Variants in GNAZ observed in about 807,000 individuals in gnomAD.
GNAZ encodes G protein subunit alpha z.
GNAZ carries 3 observed loss-of-function variants against 25.4 expected under a neutral mutation model. The ratio of observed to expected loss-of-function variants is 0.12; its 90% confidence interval spans 0.05 to 0.30. GNAZ has a LOEUF of 0.30. Ranked by LOEUF, GNAZ falls within the 10% of genes least tolerant of loss-of-function variation. The pLI, the probability that GNAZ is intolerant of heterozygous loss-of-function variation, is 1.00. For synonymous variants in GNAZ, 211 were observed against 205.7 expected, an observed-to-expected ratio of 1.03 and a Z score of -0.22; for missense variants, 241 against 501.8, an observed-to-expected ratio of 0.48 and a Z score of 4.97.
At position 23,124,190 on chromosome 22, in the gene GNAZ, A is replaced by AT. The variant is rs67228409; in HGVS notation, c.*769dup. On this transcript the variant is annotated 3_prime_UTR_variant, in exon 3 of 3. Coordinates refer to ENST00000615612, the MANE Select transcript of GNAZ (RefSeq NM_002073.4). ...CAAAACCTGGTTTTCCTTCTCTGAC[A>AT]TTTTTTTTTTGTTTTGTTTTTTGGT... The AT allele has an allele frequency of 0.036, 5,042 of 141,288 alleles. 263 individuals are homozygous for AT. Among genetic ancestry groups the AT allele is most frequent in the African/African-American group, 0.22 (4,556 of 20,622 alleles). 8.8% of individuals were successfully genotyped at this position (141,288 alleles called of 1,614,324 possible). A position where few individuals can be genotyped will look rare whatever the true frequency, so the allele number is the denominator to read the frequency against.
chr22:23,096,536 G>A lies in GNAZ; in HGVS notation c.723+118G>A, dbSNP rs1386679074. The A allele has an allele frequency of 2.8e-6, 3 of 1,085,686 alleles. No homozygotes were observed. The African/African-American group carries it at 4.7e-5, about 17-fold the overall frequency. 67.3% of individuals were successfully genotyped at this position (1,085,686 alleles called of 1,614,324 possible). ...CAGAAAGGGAACCAGGCGCAGGCCT[G>A]GCCCTGCTGCACGATAACTGAGGCA... is the stretch of plus-strand genomic sequence containing the variant. On this transcript the variant is annotated intron_variant, in intron 2 of 2. Coordinates refer to ENST00000615612, the MANE Select transcript of GNAZ (RefSeq NM_002073.4).
chr22:23,083,965 G>A (rs2068745857), intron 1 of GNAZ, among the ~76,000 whole-genome samples: 1 of 152,162 alleles, frequency 6.6e-6, no homozygotes, highest in African/African-American at 2.4e-5. Context: ...GGGTGGAACA[G>A]GGCACTGTGA....
Position 23,123,784 on chromosome 22 carries a change from A to T in GNAZ, c.*353A>T, listed in dbSNP as rs1407014051. ...GGCCCCACTCCACTTGGGGGTCTGCATTGGATTGTTAGGGATAGGCAGCAG... is the reference window on the plus strand; with the variant it reads ...GGCCCCACTCCACTTGGGGGTCTGCTTTGGATTGTTAGGGATAGGCAGCAG... On this transcript the variant is annotated 3_prime_UTR_variant, in exon 3 of 3. Transcript: ENST00000615612. 1 of 292,328 alleles carries T rather than the reference A, an allele frequency of 3.4e-6. No homozygotes were observed. Among genetic ancestry groups the T allele is most frequent in the African/African-American group, 2.1e-5 (1 of 46,626 alleles). 18.1% of individuals were successfully genotyped at this position (292,328 alleles called of 1,614,324 possible).
rs1301661106 is a variant in GNAZ at position 23,123,540 on chromosome 22, A to G, written c.*109A>G. 3 of 672,072 alleles carry G rather than the reference A, an allele frequency of 4.5e-6. No individual in the cohort carries two copies. The highest frequency in any genetic ancestry group is 7.7e-6 in the Non-Finnish European group (3 of 390,650). The allele number at this position is 672,072 out of a possible 1,614,324, so 41.6% of individuals were successfully genotyped here. ...GGGCAGAAAACAGGGGGCCTAAAGA[A>G]TGTCCCCCACCCCTTGGCCTCTGCC... On this transcript the variant is annotated 3_prime_UTR_variant, in exon 3 of 3. Transcript: ENST00000615612.
At position 23,123,105 on chromosome 22, in the gene GNAZ, T is replaced by C; in HGVS notation, c.742T>C (p.Leu248=). The C allele has an allele frequency of 1.2e-6, 2 of 1,613,038 alleles. No individual in the cohort carries two copies. The highest frequency in any genetic ancestry group is 1.7e-6 in the Non-Finnish European group (2 of 1,179,010). Residue 248 remains leucine, a synonymous_variant, in exon 3 of 3, where the codon TTG becomes CTG. Transcript: ENST00000615612. ...DNQTSRMAES[L]RLFDSICNNN... is the part of the protein sequence containing the mutation. ...TCCCCAGAGTCGGATGGCAGAGAGC[T>C]TGCGCCTCTTTGACTCCATCTGCAA...
chr22:23,118,471 C>G (rs1433885924), intron 2 of GNAZ, among the ~76,000 whole-genome samples: 2 of 150,038 alleles, frequency 1.3e-5, no homozygotes, highest in Non-Finnish European at 3.0e-5. Context: ...CCCTCTTCCC[C>G]GCCCCGCCCC....
intron 1 of GNAZ, among the ~76,000 whole-genome samples, chr22:23,077,363 C>A (rs534252930): frequency 1.3e-5 from 2 of 152,272 alleles, no homozygotes; most frequent in South Asian, 4.2e-4. Context: ...CAGGGTCCAA[C>A]CCCATGCTTC....
chr22:23,091,779 C>T (rs950013241), intron 1 of GNAZ, among the ~76,000 whole-genome samples: 1 of 152,214 alleles, frequency 6.6e-6, no homozygotes, highest in East Asian at 1.9e-4. Flanking sequence ...CTTTCAGTGG[C>T]GTCCTGTTTC....
In GNAZ at chr22:23,124,201, G is replaced by GTT. The variant is rs375972134; in HGVS notation, c.*773_*774dup. On this transcript the variant is annotated 3_prime_UTR_variant, in exon 3 of 3. Transcript: ENST00000615612. The stretch of plus-strand genomic sequence containing the variant: ...TTTCCTTCTCTGACATTTTTTTTTT[G>GTT]TTTTGTTTTTTGGTTTTTTTTTTTT... 46 of 181,510 alleles carry GTT rather than the reference G, an allele frequency of 2.5e-4. No homozygotes were observed. Among genetic ancestry groups the GTT allele is most frequent in the Admixed American group, 2.6e-4 (4 of 15,228 alleles). 11.2% of individuals were successfully genotyped at this position (181,510 alleles called of 1,614,324 possible).
At chr22:23,078,148 A>G (rs1203024921) in intron 1 of GNAZ, among the ~76,000 whole-genome samples, 1 of 152,218 alleles carries the variant, frequency 6.6e-6, no homozygotes, top group East Asian at 1.9e-4. Context: ...TTCCTCCAGC[A>G]TGGTCACCCC....
intron 2 of GNAZ, among the ~76,000 whole-genome samples, chr22:23,108,701 GCTTCCTGC>G (rs1428679159): frequency 2.0e-5 from 3 of 152,250 alleles, no homozygotes; most frequent in African/African-American, 4.8e-5. Flanking sequence ...CAGGGCCCCA[GCTTCCTGC>G]CTCATAAGCT....
intron 2 of GNAZ, 23 bp from the exon 3 acceptor site, chr22:23,123,064 C>T (rs547797440): frequency 2.6e-5 from 40 of 1,533,134 alleles, no homozygotes; most frequent in South Asian, 1.7e-4. Context: ...GCCTGATTAA[C>T]GCCAGTACTT....
intron 2 of GNAZ, among the ~76,000 whole-genome samples, chr22:23,112,540 T>G (rs574142748): frequency 6.6e-6 from 1 of 152,152 alleles, no homozygotes; most frequent in Non-Finnish European, 1.5e-5. Context: ...GAGGGCGAGA[T>G]GGACACTTAG....
At position 23,123,756 on chromosome 22, in the gene GNAZ, G is replaced by T; in HGVS notation, c.*325G>T. The T allele has an allele frequency of 3.0e-6, 1 of 331,358 alleles. No homozygotes were observed. Among genetic ancestry groups the T allele is most frequent in the South Asian group, 4.1e-5 (1 of 24,616 alleles). 20.5% of individuals were successfully genotyped at this position (331,358 alleles called of 1,614,324 possible). A position where few individuals can be genotyped will look rare whatever the true frequency, so the allele number is the denominator to read the frequency against. On this transcript the variant is annotated 3_prime_UTR_variant, in exon 3 of 3. Transcript: ENST00000615612. ...CTGCCCCTTCACTTTGCCTTCCTGA[G>T]TTGGCCCCACTCCACTTGGGGGTCT...
intron 1 of GNAZ, among the ~76,000 whole-genome samples, chr22:23,082,520 C>T (rs533617931): frequency 1.5e-3 from 225 of 151,900 alleles, no homozygotes; most frequent in Non-Finnish European, 2.5e-3. Flanking sequence ...CGCCCGGCCT[C>T]GTTGTGTTTT....
At chr22:23,086,502 C>G (rs1044505088) in intron 1 of GNAZ, among the ~76,000 whole-genome samples, 1 of 152,232 alleles carries the variant, frequency 6.6e-6, no homozygotes, top group African/African-American at 2.4e-5. Context: ...GGGCACCTTC[C>G]TCTCCTCCCA....
chr22:23,077,913 C>T (rs2068550703), intron 1 of GNAZ, among the ~76,000 whole-genome samples: 2 of 152,334 alleles, frequency 1.3e-5, no homozygotes, highest in Non-Finnish European at 2.9e-5. Flanking sequence ...CTACCCCTAA[C>T]TGTGGCCAGG....
chr22:23,092,904 T>C (rs2069024725), intron 1 of GNAZ, among the ~76,000 whole-genome samples: 1 of 152,164 alleles, frequency 6.6e-6, no homozygotes, highest in Non-Finnish European at 1.5e-5. Flanking sequence ...TCCCACTGGG[T>C]TGGACACTGC....
At chr22:23,120,967 A>G (rs574566695) in intron 2 of GNAZ, among the ~76,000 whole-genome samples, 1 of 152,346 alleles carries the variant, frequency 6.6e-6, no homozygotes, top group Admixed American at 6.5e-5. Flanking sequence ...TTTCTATGAG[A>G]AATGACAGCT....
Sources: gnomAD v4.1 joint callset for allele counts (sites outside exome capture counted in the v4.1 genomes callset) on GRCh38, gnomAD v4.1.1 for gene constraint, MANE v1.5 for transcripts, NCBI Gene and HGNC (gene_info 2026-07-23, HGNC 2026-07-21) for gene names.